Variants in MAML3 observed in about 807,000 individuals in gnomAD.
The protein encoded by MAML3 is mastermind like transcriptional coactivator 3.
A neutral mutation model predicts 101.9 loss-of-function variants in MAML3; 27 were observed. That is an observed-to-expected ratio of 0.27 (90% CI 0.20 to 0.37). The LOEUF (loss-of-function observed/expected upper bound fraction) is 0.37. MAML3 is among the 10% of genes least tolerant of loss of function. The pLI, the probability that MAML3 is intolerant of heterozygous loss-of-function variation, is 1.00. For missense variants in MAML3, 1,316 were observed against 1,444.9 expected (o/e 0.91, Z 1.45); for synonymous variants, 501 against 555.9 (o/e 0.90, Z 1.39).
chr4:139,941,963 G>A (rs1026767715), intron 1 of MAML3, among the ~76,000 whole-genome samples: 8 of 152,116 alleles, frequency 5.3e-5, no homozygotes, highest in East Asian at 3.9e-4. Context: ...GTGAAACCCC[G>A]TCCCTACTAA....
chr4:140,013,143 T>C (rs757723594), intron 1 of MAML3, among the ~76,000 whole-genome samples: 14 of 152,236 alleles, frequency 9.2e-5, no homozygotes, highest in Non-Finnish European at 2.1e-4. Context: ...ATTTTATTAA[T>C]AGAAAACCAT....
At chr4:139,968,048 G>A (rs1412551795) in intron 1 of MAML3, among the ~76,000 whole-genome samples, 1 of 151,876 alleles carries the variant, frequency 6.6e-6, no homozygotes, top group East Asian at 1.9e-4. Flanking sequence ...GGAGGCCAAG[G>A]CGGGTAGATT....
chr4:139,833,379 T>C (rs1731203528), intron 2 of MAML3, among the ~76,000 whole-genome samples: 1 of 152,180 alleles, frequency 6.6e-6, no homozygotes, highest in Admixed American at 6.5e-5. Context: ...GCATTGTGGC[T>C]AATTACATCC....
intron 2 of MAML3, among the ~76,000 whole-genome samples, chr4:139,849,112 G>A (rs1206622070): frequency 1.3e-5 from 2 of 152,168 alleles, no homozygotes; most frequent in Admixed American, 6.5e-5. Flanking sequence ...TTCTTGCACT[G>A]TGCATTAACA....
chr4:140,023,772 CT>C (rs1726775739), intron 1 of MAML3, among the ~76,000 whole-genome samples: 1 of 152,186 alleles, frequency 6.6e-6, no homozygotes, highest in South Asian at 2.1e-4. Flanking sequence ...GATGTTTTCA[CT>C]TGAAATGCTG....
At chr4:140,050,872 GA>G (rs1213536225) in intron 1 of MAML3, among the ~76,000 whole-genome samples, 2 of 151,694 alleles carry the variant, frequency 1.3e-5, no homozygotes, top group African/African-American at 2.4e-5. Flanking sequence ...AGTTATCCTG[GA>G]AAAAAAATGA....
chr4:139,828,062 T>C (rs1028957974), intron 2 of MAML3, among the ~76,000 whole-genome samples: 1 of 152,264 alleles, frequency 6.6e-6, no homozygotes, highest in Non-Finnish European at 1.5e-5. Flanking sequence ...CACTTGCACA[T>C]AGTAGGGATT....
At chr4:139,750,772 G>A (rs1225300267) in intron 2 of MAML3, among the ~76,000 whole-genome samples, 5 of 152,278 alleles carry the variant, frequency 3.3e-5, no homozygotes, top group South Asian at 2.1e-4. Flanking sequence ...AAAAGTTAGC[G>A]ATAGATTTTC....
chr4:139,954,161 T>C (rs1733878264), intron 1 of MAML3, among the ~76,000 whole-genome samples: 1 of 152,204 alleles, frequency 6.6e-6, no homozygotes, highest in Non-Finnish European at 1.5e-5. Flanking sequence ...CACTTTCATA[T>C]TTTATATCCT....
At chr4:139,834,665 A>G (rs529950319) in intron 2 of MAML3, among the ~76,000 whole-genome samples, 13 of 152,324 alleles carry the variant, frequency 8.5e-5, no homozygotes, top group African/African-American at 3.1e-4. Context: ...AATCCTCATT[A>G]GGTTGGGCTA....
chr4:139,989,639 T>C (rs1301286812), intron 1 of MAML3, among the ~76,000 whole-genome samples: 3 of 152,062 alleles, frequency 2.0e-5, no homozygotes, highest in African/African-American at 2.4e-5. Flanking sequence ...CACCAAGCCA[T>C]TGGTGAAAAG....
chr4:140,131,815 TGTGAAGG>T (rs1728799267), intron 1 of MAML3, among the ~76,000 whole-genome samples: 1 of 152,200 alleles, frequency 6.6e-6, no homozygotes, highest in South Asian at 2.1e-4. Context: ...AGCCAGGGGC[TGTGAAGG>T]GTGAAGGTGA....
chr4:139,881,701 T>C (rs1341970033), intron 2 of MAML3, among the ~76,000 whole-genome samples: 1 of 152,158 alleles, frequency 6.6e-6, no homozygotes, highest in Non-Finnish European at 1.5e-5. Flanking sequence ...GAAAGCTTAA[T>C]TGTATTTATT....
chr4:140,129,858 G>A (rs751437783), intron 1 of MAML3, among the ~76,000 whole-genome samples: 4 of 151,782 alleles, frequency 2.6e-5, no homozygotes, highest in Admixed American at 6.6e-5. Context: ...CCAGCTATTC[G>A]AGAGGCTGAG....
chr4:140,021,462 T>C (rs1256192951), intron 1 of MAML3, among the ~76,000 whole-genome samples: 1 of 152,210 alleles, frequency 6.6e-6, no homozygotes, highest in East Asian at 1.9e-4. Flanking sequence ...TTCTAATCTT[T>C]ATACATCCCT....
intron 1 of MAML3, among the ~76,000 whole-genome samples, chr4:139,992,926 A>T (rs1463414100): frequency 6.6e-6 from 1 of 152,210 alleles, no homozygotes; most frequent in Non-Finnish European, 1.5e-5. Context: ...TTTAATTCAC[A>T]TTCCCGTAAC....
chr4:140,150,933 C>T (rs1321854102), intron 1 of MAML3, among the ~76,000 whole-genome samples: 1 of 152,120 alleles, frequency 6.6e-6, no homozygotes, highest in African/African-American at 2.4e-5. Context: ...TTCCTCAAAA[C>T]CAACCGAGAC....
chr4:140,064,114 C>A (rs544342133), intron 1 of MAML3, among the ~76,000 whole-genome samples: 5 of 152,102 alleles, frequency 3.3e-5, no homozygotes, highest in Non-Finnish European at 7.4e-5. Flanking sequence ...GAAAATCAGA[C>A]GTAAACTTTG....
At position 139,856,753 on chromosome 4, in the gene MAML3, C is replaced by T. The variant is rs117800613; in HGVS notation, c.2079+32604G>A. Among the ~76,000 whole-genome samples the T allele has an allele frequency of 2.4e-4, 37 of 152,308 alleles. No homozygotes were observed. The East Asian group carries it at 5.8e-3, about 24-fold the overall frequency. ...TACAGGAGAATTATGGTGTCCCATTCTATGCACCAAAAGAAAGTACATCAA... is the reference window on the plus strand; with the variant it reads ...TACAGGAGAATTATGGTGTCCCATTTTATGCACCAAAAGAAAGTACATCAA... On this transcript the variant is annotated intron_variant, in intron 2 of 4. Transcript: ENST00000509479.
Sources: allele counts gnomAD v4.1 joint callset (sites outside exome capture counted in the v4.1 genomes callset), GRCh38; gene constraint gnomAD v4.1.1; transcripts MANE v1.5; gene names NCBI Gene and HGNC (gene_info 2026-07-23, HGNC 2026-07-21).